Variants in EMILIN2 observed in about 807,000 individuals in gnomAD.
EMILIN2 encodes elastin microfibril interfacer 2.
A neutral mutation model predicts 87.1 loss-of-function variants in EMILIN2; 71 were observed. That is an observed-to-expected ratio of 0.82 (90% confidence interval 0.67 to 0.99). The LOEUF (loss-of-function observed/expected upper bound fraction) is 0.99, where lower values mean the gene tolerates loss of function less well. Among genes scored for constraint, EMILIN2 ranks in the 50% least tolerant of loss-of-function variants. The pLI is 0.00. For missense variants in EMILIN2, 1,407 were observed against 1,371.8 expected (o/e 1.03, Z -0.40); for synonymous variants, 581 against 563.4 (o/e 1.03, Z -0.44).
intron 2 of EMILIN2, among the ~76,000 whole-genome samples, chr18:2,851,087 A>G (rs2076599064): frequency 6.9e-6 from 1 of 145,252 alleles, no homozygotes; most frequent in African/African-American, 2.8e-5. Flanking sequence ...AAAGGCTCTG[A>G]TGGAAAAAAA....
chr18:2,856,357 T>G (rs2076627253), intron 2 of EMILIN2, among the ~76,000 whole-genome samples: 1 of 152,182 alleles, frequency 6.6e-6, no homozygotes, highest in Non-Finnish European at 1.5e-5. Context: ...CTGTGGGTAT[T>G]TCTTACTGGT....
intron 2 of EMILIN2, among the ~76,000 whole-genome samples, chr18:2,868,742 A>G (rs1421096074): frequency 1.3e-5 from 2 of 152,244 alleles, no homozygotes; most frequent in East Asian, 3.8e-4. Flanking sequence ...CCGAGATGGC[A>G]GCAGCACAGT....
rs747447034 is a variant in EMILIN2 at position 2,913,414 on chromosome 18, G to T, written c.*10G>T. ...CCTTTCCCACCTCTAAGGTGGCTGG[G>T]GAGATGTCAGGGGAAAGATAGATAG... On this transcript the variant is annotated 3_prime_UTR_variant, in exon 8 of 8. Coordinates refer to ENST00000254528, the MANE Select transcript of EMILIN2 (RefSeq NM_032048.3). 1.3e-5 allele frequency: 20 copies of T among 1,557,262 alleles called. No homozygotes were observed. The East Asian group carries it at 4.5e-4, about 35-fold the overall frequency.
chr18:2,887,982 T>C (rs983524993), intron 3 of EMILIN2, among the ~76,000 whole-genome samples: 1 of 152,146 alleles, frequency 6.6e-6, no homozygotes, highest in East Asian at 1.9e-4. Flanking sequence ...TTATTTTTTA[T>C]TGAATAACCT....
intron 2 of EMILIN2, among the ~76,000 whole-genome samples, chr18:2,869,280 TAA>T (rs10532190): frequency 0.46 from 68,103 of 149,180 alleles, 15,603 homozygotes; most frequent in Admixed American, 0.51. Context: ...ATTACATAGT[TAA>T]AAAAAAAAAA....
At chr18:2,899,784 G>A (rs564459364) in intron 4 of EMILIN2, among the ~76,000 whole-genome samples, 22 of 152,250 alleles carry the variant, frequency 1.4e-4, no homozygotes, top group Non-Finnish European at 4.4e-5. Context: ...GATTACAGGC[G>A]TGAGCCACCG....
chr18:2,884,519 TA>T (rs1184586749), intron 2 of EMILIN2, among the ~76,000 whole-genome samples: 1 of 152,260 alleles, frequency 6.6e-6, no homozygotes, highest in Non-Finnish European at 1.5e-5. Flanking sequence ...GTGCTGGGAT[TA>T]CAGGCATGAG....
chr18:2,847,710 C>A lies in EMILIN2; in HGVS notation c.135-99C>A. ...CTCCGCAGAGGGCGACGGGCCCCCC[C>A]GACCCTCGCTCGGTCTGGTGCCGCA... On this transcript the variant is annotated intron_variant, in intron 1 of 7. Coordinates refer to ENST00000254528, the MANE Select transcript of EMILIN2 (RefSeq NM_032048.3). The surrounding 1 kb of genome is among the most constrained non-coding windows in gnomAD (Gnocchi z 4.5). The A allele has an allele frequency of 6.7e-7, 1 of 1,492,716 alleles. No individual in the cohort carries two copies. The allele number at this position is 1,492,716 out of a possible 1,614,324, so 92.5% of individuals were successfully genotyped here. A position where few individuals can be genotyped will look rare whatever the true frequency, so the allele number is the denominator to read the frequency against.
rs1037282256 is a variant in EMILIN2, at chr18:2,907,055, C to A, written c.2632C>A (p.Pro878Thr). 1 of 1,267,936 alleles carries A rather than the reference C, an allele frequency of 7.9e-7. No individual in the cohort carries two copies. The highest frequency in any genetic ancestry group is 9.9e-7 in the Non-Finnish European group (1 of 1,011,166). 78.5% of individuals were successfully genotyped at this position (1,267,936 alleles called of 1,614,324 possible). ...CGGCCAGACCGGGAGCGGCACCGTC[C>A]CCGGCGCAGAAGGCTTCGCGGGCGC... is the stretch of plus-strand genomic sequence containing the variant. ...VDGQTGSGTVPGAEGFAGAPG... is the reference protein window; with the variant it reads ...VDGQTGSGTVTGAEGFAGAPG... The change falls in exon 5 of 8, where the codon CCC (proline) becomes ACC (threonine). Residue 878 changes from proline (P) to threonine (T), a missense_variant. Physicochemically the swap from Pro to Thr is conservative, Grantham distance 38. Transcript: ENST00000254528.
At position 2,891,848 on chromosome 18, in the gene EMILIN2, G is replaced by A. The variant is rs146246363; in HGVS notation, c.1721G>A (p.Arg574His). ...MEGALPNRED[R>H]AVRDSLHLLK... ...GGTGCCTTGCCAAACAGGGAAGACC[G>A]CGCAGTACGCGACAGCCTGCACCTT... The change falls in exon 4 of 8, where the codon CGC (arginine) becomes CAC (histidine). Residue 574 changes from arginine (R) to histidine (H), a missense_variant. Coordinates refer to ENST00000254528, the MANE Select transcript of EMILIN2 (RefSeq NM_032048.3). This position sits in a 1 kb window ranked among gnomAD's most constrained non-coding sequence, Gnocchi z 4.6. The A allele has an allele frequency of 2.0e-4, 317 of 1,614,244 alleles. No homozygotes were observed. The highest frequency in any genetic ancestry group is 5.7e-4 in the Admixed American group (34 of 60,032).
intron 2 of EMILIN2, among the ~76,000 whole-genome samples, chr18:2,862,108 G>T (rs887722701): frequency 6.6e-6 from 1 of 152,202 alleles, no homozygotes; most frequent in African/African-American, 2.4e-5. Context: ...TGCTGAAGTT[G>T]CCTATCAGCT....
chr18:2,853,059 G>A (rs950810406), intron 2 of EMILIN2, among the ~76,000 whole-genome samples: 3 of 152,168 alleles, frequency 2.0e-5, no homozygotes, highest in African/African-American at 7.2e-5. Context: ...TCCCCTGGGA[G>A]ATAAGGAGAG....
intron 2 of EMILIN2, among the ~76,000 whole-genome samples, chr18:2,872,421 C>G (rs979623725): frequency 4.6e-5 from 7 of 152,088 alleles, no homozygotes; most frequent in Non-Finnish European, 8.8e-5. Flanking sequence ...GGGGTCCCAC[C>G]ATGTTGCCCA....
At position 2,890,650 on chromosome 18, in the gene EMILIN2, G is replaced by A. The variant is rs748460415; in HGVS notation, c.523G>A (p.Gly175Arg). ...AAGCTGGGGGGTAGATCCAAAAGAG[G>A]GGCCTCAGGAACTTCAGGAAAAGAA... ...QPSWGVDPKE[G>R]PQELQEKKIQ... Residue 175 changes from glycine (G) to arginine (R), a missense_variant, in exon 4 of 8, where the codon GGG becomes AGG. Physicochemically the swap from Gly to Arg is moderately radical, Grantham distance 125. Transcript: ENST00000254528. This position sits in a 1 kb window ranked among gnomAD's most constrained non-coding sequence, Gnocchi z 4.7. 5 of 1,613,918 alleles carry A rather than the reference G, an allele frequency of 3.1e-6. No individual in the cohort carries two copies. The African/African-American group carries it at 6.7e-5, about 22-fold the overall frequency.
intron 4 of EMILIN2, among the ~76,000 whole-genome samples, chr18:2,895,952 C>T (rs1040625056): frequency 6.6e-6 from 1 of 152,182 alleles, no homozygotes; most frequent in African/African-American, 2.4e-5. Flanking sequence ...ACCGGGAACA[C>T]ACACTGTGGT....
chr18:2,913,092 G>T lies in EMILIN2; in HGVS notation c.2850G>T (p.Gly950=). 1 of 1,611,248 alleles carries T rather than the reference G, an allele frequency of 6.2e-7. No individual in the cohort carries two copies. ...GGGTCTTCACGGCTCCTTATGATGG[G>T]CGCTACCTGATCACGGCCACCCTCA... is the stretch of plus-strand genomic sequence containing the variant. The part of the protein sequence containing the change: ...STGVFTAPYD[G]RYLITATLTP... The change falls in exon 8 of 8, where the codon GGG becomes GGT. Residue 950 remains glycine, a synonymous_variant. Transcript: ENST00000254528.
chr18:2,873,767 G>C (rs2076734171), intron 2 of EMILIN2, among the ~76,000 whole-genome samples: 1 of 152,126 alleles, frequency 6.6e-6, no homozygotes, highest in African/African-American at 2.4e-5. Context: ...ACAGATGTCA[G>C]TTGGGTTCCT....
chr18:2,860,614 C>T (rs949787794), intron 2 of EMILIN2, among the ~76,000 whole-genome samples: 1 of 152,210 alleles, frequency 6.6e-6, no homozygotes, highest in Non-Finnish European at 1.5e-5. Flanking sequence ...ATATGTTCCA[C>T]ATTTTCTTAA....
chr18:2,898,249 T>G (rs1418659896), intron 4 of EMILIN2, among the ~76,000 whole-genome samples: 1 of 152,216 alleles, frequency 6.6e-6, no homozygotes, highest in Non-Finnish European at 1.5e-5. Context: ...AGGGTCTGCC[T>G]CCCAGGCACT....
Sources: allele counts gnomAD v4.1 joint callset (sites outside exome capture counted in the v4.1 genomes callset), GRCh38; gene constraint gnomAD v4.1.1; non-coding constraint Gnocchi (gnomAD v3.1); transcripts MANE v1.5; gene names NCBI Gene and HGNC (gene_info 2026-07-23, HGNC 2026-07-21).